The following CST9 variants were observed in gnomAD, a reference collection of about 807,000 sequenced individuals.
CST9 encodes cystatin-9.
CST9 carries 11 observed loss-of-function variants against 7.7 expected under a neutral mutation model. The observed-to-expected ratio is 1.44, with a 90% CI of 0.90 to 2.38. CST9 has a LOEUF of 2.38. CST9 is among the 30% of genes most tolerant of loss of function. CST9 has a pLI of 0.00. For missense variants in CST9, 214 were observed against 199.1 expected (o/e 1.07, Z -0.45); for synonymous variants, 71 against 74.3 (o/e 0.96, Z 0.23).
At position 23,605,655 on chromosome 20, in the gene CST9, C is replaced by T. The variant is rs1448614349; in HGVS notation, c.210G>A (p.Leu70=). ...VQSKEEHAYR[L]LRVLSSWRED... is the part of the protein sequence containing the mutation. ...CCCTCCATGAACTCAGGACGCGCAA[C>T]AGCCTGTAGGCATGCTCCTCCTTGC... Residue 70 remains leucine (L), a synonymous_variant, in exon 1 of 2, where the codon CTG becomes CTA. Coordinates refer to ENST00000376971, the MANE Select transcript of CST9 (RefSeq NM_001008693.3). 3 of 1,614,044 alleles carry T rather than the reference C, an allele frequency of 1.9e-6. No homozygotes were observed. Among genetic ancestry groups the T allele is most frequent in the African/African-American group, 1.3e-5 (1 of 74,918 alleles).
In CST9 at chr20:23,605,465, C is replaced by T. The variant is rs1401168707; in HGVS notation, c.255+145G>A. On this transcript the variant is annotated intron_variant, in intron 1 of 1. Coordinates refer to ENST00000376971, the MANE Select transcript of CST9 (RefSeq NM_001008693.3). ...AAAAAAATTTTAAGTTCAATGTTTT[C>T]CAAAACTAAAACTACCGTAATTGGT... is the stretch of plus-strand genomic sequence containing the variant. The T allele has an allele frequency of 4.3e-6, 4 of 935,724 alleles. No individual in the cohort carries two copies. The African/African-American group carries it at 6.6e-5, about 15-fold the overall frequency. 58.0% of individuals were successfully genotyped at this position (935,724 alleles called of 1,614,324 possible).
intron 1 of CST9, 54 bp downstream of exon 1, chr20:23,605,556 C>T (rs527457385): frequency 1.9e-6 from 3 of 1,581,480 alleles, no homozygotes; most frequent in African/African-American, 1.3e-5. Flanking sequence ...ATCTTGGTCC[C>T]TCACTTAGGG....
chr20:23,603,295 T>C lies in CST9; in HGVS notation c.*215A>G. 7.0e-7 allele frequency: 1 copy of C among 1,420,160 alleles called. No homozygotes were observed. The highest frequency in any genetic ancestry group is 2.9e-5 in the Admixed American group (1 of 34,370). The allele number at this position is 1,420,160 out of a possible 1,614,324, so 88.0% of individuals were successfully genotyped here. ...CATTGTCACCATTGTCTCCAGGCTC[T>C]TTCTCTAGAAGGCAGGGAAGAAGTG... On this transcript the variant is annotated 3_prime_UTR_variant, in exon 2 of 2. Coordinates refer to ENST00000376971, the MANE Select transcript of CST9 (RefSeq NM_001008693.3).
chr20:23,603,804 C>T (rs575539782), intron 1 of CST9, 70 bp from the exon 2 acceptor site: 40 of 1,488,202 alleles, frequency 2.7e-5, no homozygotes, highest in Non-Finnish European at 3.6e-5. Flanking sequence ...AGTGAAGATG[C>T]CATTTGAGTA....
chr20:23,604,402 T>A (rs564594633), intron 1 of CST9, among the ~76,000 whole-genome samples: 1 of 152,314 alleles, frequency 6.6e-6, no homozygotes, highest in South Asian at 2.1e-4. Flanking sequence ...GATTGCCATA[T>A]CCAGGAAGCC....
Position 23,603,794 on chromosome 20 carries a change from A to C in CST9, c.256-60T>G. ...GTCTTCCTGCCCCTAAGTAGCTACT[A>C]GTGAAGATGCCATTTGAGTAGGAGA... On this transcript the variant is annotated intron_variant, in intron 1 of 1. Transcript: ENST00000376971. The C allele has an allele frequency of 1.2e-5, 19 of 1,537,528 alleles. No individual in the cohort carries two copies. In the Admixed American group the frequency reaches 2.9e-4, roughly 23 times the overall value.
intron 1 of CST9, among the ~76,000 whole-genome samples, chr20:23,604,519 T>C (rs1978709029): frequency 1.3e-5 from 2 of 152,208 alleles, no homozygotes; most frequent in African/African-American, 2.4e-5. Context: ...CACTGAGGTC[T>C]TGGAGAATCA....
At position 23,605,758 on chromosome 20, in the gene CST9, C is replaced by T. The variant is rs763247678; in HGVS notation, c.107G>A (p.Gly36Asp). ...TYAWCSEEEM[G>D]GNNKIVQDPM... is the part of the protein sequence containing the mutation. Reference sequence around the variant, plus strand: ...ATCCTGGACTATTTTATTATTACCACCCATTTCCTCTTCAGAACACCAGGC... The same window carrying T: ...ATCCTGGACTATTTTATTATTACCATCCATTTCCTCTTCAGAACACCAGGC... The change falls in exon 1 of 2, where the codon GGT becomes GAT. Residue 36 changes from glycine (G) to aspartate (D), a missense_variant. Coordinates refer to ENST00000376971, the MANE Select transcript of CST9 (RefSeq NM_001008693.3). 9.9e-6 allele frequency: 16 copies of T among 1,614,226 alleles called. No homozygotes were observed. Among genetic ancestry groups the T allele is most frequent in the Non-Finnish European group, 1.2e-5 (14 of 1,180,040 alleles).
rs746957289 is a variant in CST9 at position 23,603,753 on chromosome 20, T to C, written c.256-19A>G. On this transcript the variant is annotated intron_variant, in intron 1 of 1. Coordinates refer to ENST00000376971, the MANE Select transcript of CST9 (RefSeq NM_001008693.3). ...CTCGCCACTGTTGGACAAAAGAAGA[T>C]TAAAGTGGATGCACCGTCTTCCTGC... 6.2e-7 allele frequency: 1 copy of C among 1,612,846 alleles called. No individual in the cohort carries two copies. Among genetic ancestry groups the C allele is most frequent in the South Asian group, 1.1e-5 (1 of 91,036 alleles).
rs1978677035 is a variant in CST9 at position 23,603,566 on chromosome 20, A to G, written c.424T>C (p.Cys142Arg). The G allele has an allele frequency of 2.5e-6, 4 of 1,614,004 alleles. No individual in the cohort carries two copies. The highest frequency in any genetic ancestry group is 3.4e-6 in the Non-Finnish European group (4 of 1,180,002). The stretch of plus-strand genomic sequence containing the variant: ...TCAGCTGCTCCTGTGCCCACACCAC[A>G]CCCCATGCAGCATCCACAGCTGTGG... ...QVHSCGCCMG[C>R]GVGTGAADKA... is the part of the protein sequence containing the mutation. Residue 142 changes from cysteine (C) to arginine (R), a missense_variant, in exon 2 of 2, where the codon TGT becomes CGT. Cys to Arg is a radical substitution (Grantham distance 180, BLOSUM62 -3). Transcript: ENST00000376971.
Position 23,605,636 on chromosome 20 carries a change from A to C in CST9, c.229T>G (p.Trp77Gly). ...AYRLLRVLSS[W>G]REDSMDRKWR... ...TTTCTGTCCATGCTATCCTCCCTCC[A>C]TGAACTCAGGACGCGCAACAGCCTG... Residue 77 changes from tryptophan (W) to glycine (G), a missense_variant, in exon 1 of 2, where the codon TGG becomes GGG. Physicochemically the swap from Trp to Gly is radical, Grantham distance 184. Transcript: ENST00000376971. 1 of 1,614,144 alleles carries C rather than the reference A, an allele frequency of 6.2e-7. No individual in the cohort carries two copies. The highest frequency in any genetic ancestry group is 8.5e-7 in the Non-Finnish European group (1 of 1,180,024).
At position 23,603,374 on chromosome 20, in the gene CST9, G is replaced by T; in HGVS notation, c.*136C>A. On this transcript the variant is annotated 3_prime_UTR_variant, in exon 2 of 2. Coordinates refer to ENST00000376971, the MANE Select transcript of CST9 (RefSeq NM_001008693.3). ...AGGCCATGTGGCCCAGGTGCAGGCA[G>T]CTGCAATGGTGTCAGAGGGCAGAAT... 1 of 1,453,302 alleles carries T rather than the reference G, an allele frequency of 6.9e-7. No homozygotes were observed. 90.0% of individuals were successfully genotyped at this position (1,453,302 alleles called of 1,614,324 possible).
chr20:23,605,025 G>A (rs1978722836), intron 1 of CST9, among the ~76,000 whole-genome samples: 1 of 152,218 alleles, frequency 6.6e-6, no homozygotes, highest in Admixed American at 6.5e-5. Flanking sequence ...TTGAGGAAGA[G>A]TGTAAATTGG....
intron 1 of CST9, among the ~76,000 whole-genome samples, 171 bp downstream of exon 1, chr20:23,605,439 A>T (rs929314454): frequency 1.3e-5 from 2 of 152,158 alleles, no homozygotes; most frequent in African/African-American, 2.4e-5. Context: ...TACCTAATTT[A>T]AAAAAAATTT....
chr20:23,603,322 G>A lies in CST9; in HGVS notation c.*188C>T. The A allele has an allele frequency of 2.1e-6, 3 of 1,432,402 alleles. 1 individual carries two copies. In the South Asian group the frequency reaches 4.5e-5, roughly 22 times the overall value. The allele number at this position is 1,432,402 out of a possible 1,614,324, so 88.7% of individuals were successfully genotyped here. A position where few individuals can be genotyped will look rare whatever the true frequency, so the allele number is the denominator to read the frequency against. Reference sequence around the variant, plus strand: ...TCTCTAGAAGGCAGGGAAGAAGTGGGGAGGAAGACCAGAGAGAAGGTTCTG... The same window carrying A: ...TCTCTAGAAGGCAGGGAAGAAGTGGAGAGGAAGACCAGAGAGAAGGTTCTG... On this transcript the variant is annotated 3_prime_UTR_variant, in exon 2 of 2. Transcript: ENST00000376971.
chr20:23,603,807 T>C (rs922040687), intron 1 of CST9, 73 bp from the exon 2 acceptor site: 1 of 1,475,836 alleles, frequency 6.8e-7, no homozygotes, highest in African/African-American at 1.4e-5. Context: ...GAAGATGCCA[T>C]TTGAGTAGGA....
Position 23,605,821 on chromosome 20 carries a change from G to T in CST9, c.44C>A (p.Ser15Ter). 1 of 1,614,194 alleles carries T rather than the reference G, an allele frequency of 6.2e-7. No homozygotes were observed. The highest frequency in any genetic ancestry group is 8.5e-7 in the Non-Finnish European group (1 of 1,180,030). ...QRRKAMPWAL[S>*]LLLMGFQLLV... ...GAGCTGGAAGCCCATGAGAAGCAGTGACAGTGCCCAGGGCATAGCCTTCCT... is the reference window on the plus strand; with the variant it reads ...GAGCTGGAAGCCCATGAGAAGCAGTTACAGTGCCCAGGGCATAGCCTTCCT... Residue 15 changes from serine to a stop codon, truncating the protein, a stop_gained, in exon 1 of 2, where the codon TCA (serine) becomes TAA (stop). Coordinates refer to ENST00000376971, the MANE Select transcript of CST9 (RefSeq NM_001008693.3). LOFTEE classifies it high-confidence loss of function.
In CST9 at chr20:23,603,492, G is replaced by T; in HGVS notation, c.*18C>A. On this transcript the variant is annotated 3_prime_UTR_variant, in exon 2 of 2. Coordinates refer to ENST00000376971, the MANE Select transcript of CST9 (RefSeq NM_001008693.3). Reference sequence around the variant, plus strand: ...ACTAAGGCACAAGCAGGGCAGCCTGGTACAGCCTGCTGTGGGCTCACTTCC... The same window carrying T: ...ACTAAGGCACAAGCAGGGCAGCCTGTTACAGCCTGCTGTGGGCTCACTTCC... The T allele has an allele frequency of 6.2e-7, 1 of 1,613,148 alleles. No homozygotes were observed. Among genetic ancestry groups the T allele is most frequent in the Non-Finnish European group, 8.5e-7 (1 of 1,179,470 alleles).
rs1978667240 is a variant in CST9, at chr20:23,603,296, T to C, written c.*214A>G. 1 of 1,419,400 alleles carries C rather than the reference T, an allele frequency of 7.0e-7. No individual in the cohort carries two copies. The highest frequency in any genetic ancestry group is 9.2e-7 in the Non-Finnish European group (1 of 1,090,708). The allele number at this position is 1,419,400 out of a possible 1,614,324, so 87.9% of individuals were successfully genotyped here. ...ATTGTCACCATTGTCTCCAGGCTCT[T>C]TCTCTAGAAGGCAGGGAAGAAGTGG... On this transcript the variant is annotated 3_prime_UTR_variant, in exon 2 of 2. Transcript: ENST00000376971.
Sources: allele counts gnomAD v4.1 joint callset (sites outside exome capture counted in the v4.1 genomes callset), GRCh38; gene constraint gnomAD v4.1.1; transcripts MANE v1.5; gene names NCBI Gene and HGNC (gene_info 2026-07-23, HGNC 2026-07-21).